AKT3: variants seen among roughly 807,000 people sequenced by gnomAD.
AKT3 encodes the protein RAC-gamma serine/threonine-protein kinase.
AKT3 carries 15 observed loss-of-function variants against 65.3 expected under a neutral mutation model. The ratio of observed to expected loss-of-function variants is 0.23; its 90% confidence interval spans 0.15 to 0.35. The LOEUF (loss-of-function observed/expected upper bound fraction) is 0.35. Ranked by LOEUF, AKT3 falls within the 10% of genes least tolerant of loss-of-function variation. The pLI, the probability that AKT3 is intolerant of heterozygous loss-of-function variation, is 1.00. For missense variants in AKT3, 243 were observed against 576.5 expected, an observed-to-expected ratio of 0.42 and a Z score of 5.92; for synonymous variants, 206 against 183.8, an observed-to-expected ratio of 1.12 and a Z score of -0.98.
rs186947851 is a variant in AKT3, at chr1:243,643,697, G to C, written c.429+2196C>G. Among the ~76,000 whole-genome samples the C allele has an allele frequency of 2.6e-4, 39 of 152,292 alleles. 1 individual carries two copies. The East Asian group carries it at 6.9e-3, about 27-fold the overall frequency. ...AGGGAGGTAACGAACCCTATTTCAT[G>C]CAAGAAATAGCAGTCTGACAACTGT... On this transcript the variant is annotated intron_variant, in intron 5 of 13. Transcript: ENST00000673466.
chr1:243,503,440 C>G lies in AKT3; in HGVS notation c.*1809G>C, dbSNP rs760118113. On this transcript the variant is annotated 3_prime_UTR_variant, in exon 14 of 14. Transcript: ENST00000673466. The stretch of plus-strand genomic sequence containing the variant: ...AATACTACGTCATGCTGTAGTCTTC[C>G]GTTTGGGAGCTGTCAGAGTTTAACT... The G allele has an allele frequency of 4.3e-6, 1 of 233,284 alleles. No individual in the cohort carries two copies. Among genetic ancestry groups the G allele is most frequent in the African/African-American group, 2.2e-5 (1 of 45,270 alleles). The allele number at this position is 233,284 out of a possible 1,614,324, so 14.5% of individuals were successfully genotyped here.
chr1:243,823,082 C>T (rs975126001), intron 2 of AKT3, among the ~76,000 whole-genome samples: 1 of 152,088 alleles, frequency 6.6e-6, no homozygotes, highest in Admixed American at 6.5e-5. Flanking sequence ...TTACTCACCA[C>T]GATCAAGTCA....
At chr1:243,741,752 A>G (rs1455444586) in intron 2 of AKT3, 2 of 152,234 alleles carry the variant, frequency 1.3e-5, no homozygotes, top group East Asian at 1.9e-4. Flanking sequence ...ATGATAAAAC[A>G]TAAAATACTT....
At position 243,637,727 on chromosome 1, in the gene AKT3, C is replaced by T; in HGVS notation, c.445G>A (p.Asp149Asn). 6.5e-7 allele frequency: 1 copy of T among 1,546,078 alleles called. No individual in the cohort carries two copies. Among genetic ancestry groups the T allele is most frequent in the African/African-American group, 1.4e-5 (1 of 73,086 alleles). Residue 149 changes from aspartate (D) to asparagine (N), a missense_variant, in exon 6 of 14, where the codon GAC (aspartate) becomes AAC (asparagine). By Grantham distance (23) the Asp-to-Asn change is conservative (BLOSUM62 1). Coordinates refer to ENST00000673466, the MANE Select transcript of AKT3 (RefSeq NM_005465.7). ...CCTTTACCTAGTAGTTTCAAATAGT[C>T]AAAATCATTCATTGTCTGAAAAATA... ...HHKRKTMNDFDYLKLLGKGTF... is the reference protein window; with the variant it reads ...HHKRKTMNDFNYLKLLGKGTF...
At chr1:243,552,360 T>C (rs1054218029) in intron 11 of AKT3, among the ~76,000 whole-genome samples, 1 of 147,920 alleles carries the variant, frequency 6.8e-6, no homozygotes, top group South Asian at 2.1e-4. Flanking sequence ...GAGGAGAGTA[T>C]TGAAAAATAG....
chr1:243,843,055 A>G lies in AKT3; in HGVS notation c.46+70T>C, dbSNP rs12044385. ...GTTTAACAGTATCAGAAAAAAGATCAACTTCTAAGACACCACTCACTGCTA... is the reference window on the plus strand; with the variant it reads ...GTTTAACAGTATCAGAAAAAAGATCGACTTCTAAGACACCACTCACTGCTA... On this transcript the variant is annotated intron_variant, in intron 2 of 13. Transcript: ENST00000673466. 27 of 1,502,000 alleles carry G rather than the reference A, an allele frequency of 1.8e-5. No individual in the cohort carries two copies. In the East Asian group the frequency reaches 6.0e-4, roughly 33 times the overall value. 93.0% of individuals were successfully genotyped at this position (1,502,000 alleles called of 1,614,324 possible).
intron 1 of AKT3, among the ~76,000 whole-genome samples, chr1:243,847,797 TATA>T (rs1399800234): frequency 6.6e-6 from 1 of 152,176 alleles, no homozygotes; most frequent in African/African-American, 2.4e-5. Flanking sequence ...ATTTGTTAAA[TATA>T]ATCTTATTTA....
chr1:243,600,458 G>A (rs918723949), intron 8 of AKT3, among the ~76,000 whole-genome samples: 41 of 152,088 alleles, frequency 2.7e-4, no homozygotes, highest in African/African-American at 9.4e-4. Context: ...ATAGGTTTCA[G>A]GATAGATATA....
chr1:243,493,309 G>A (rs1381286486), intron 13 of AKT3, among the ~76,000 whole-genome samples: 1 of 152,188 alleles, frequency 6.6e-6, no homozygotes, highest in Non-Finnish European at 1.5e-5. Flanking sequence ...GCAGGGTCAG[G>A]GGTCTGCGGC....
chr1:243,758,881 T>G (rs1182002960), intron 2 of AKT3, among the ~76,000 whole-genome samples: 1 of 152,026 alleles, frequency 6.6e-6, no homozygotes, highest in African/African-American at 2.4e-5. Flanking sequence ...AGGCTGGGGG[T>G]TGGGGACACC....
Position 243,653,008 on chromosome 1 carries a change from T to C in AKT3, c.285-6971A>G, listed in dbSNP as rs566807405. Among the ~76,000 whole-genome samples, 260 of 150,894 alleles carry C rather than the reference T, an allele frequency of 1.7e-3. 2 individuals carry two copies. The highest frequency in any genetic ancestry group is 6.9e-3 in the Middle Eastern group (2 of 290). On this transcript the variant is annotated intron_variant, in intron 4 of 13. Transcript: ENST00000673466. Reference sequence around the variant, plus strand: ...GACTTAGACTCCCACACAATAATAGTGGGAGAAAGAGACATGAAAAAACCC... The same window carrying C: ...GACTTAGACTCCCACACAATAATAGCGGGAGAAAGAGACATGAAAAAACCC...
chr1:243,669,614 A>G (rs1009312408), intron 3 of AKT3, among the ~76,000 whole-genome samples: 1 of 152,220 alleles, frequency 6.6e-6, no homozygotes, highest in African/African-American at 2.4e-5. Flanking sequence ...AATTAAAAGC[A>G]TATTTTCAAC....
intron 8 of AKT3, among the ~76,000 whole-genome samples, chr1:243,582,158 G>A (rs1675410188): frequency 6.6e-6 from 1 of 152,042 alleles, no homozygotes; most frequent in South Asian, 2.1e-4. Context: ...AGTTAACAAT[G>A]TGGAAAATAT....
At chr1:243,755,399 C>G (rs1206934124) in intron 2 of AKT3, among the ~76,000 whole-genome samples, 1 of 151,974 alleles carries the variant, frequency 6.6e-6, no homozygotes, top group Non-Finnish European at 1.5e-5. Flanking sequence ...ATACTGGCTC[C>G]TTCTTACTCC....
intron 13 of AKT3, among the ~76,000 whole-genome samples, chr1:243,494,314 ACT>A (rs1447720478): frequency 2.6e-5 from 4 of 152,232 alleles, no homozygotes; most frequent in South Asian, 2.1e-4. Context: ...ATAAAAACTG[ACT>A]CTGTTAAAGT....
rs924601311 is a variant in AKT3 at position 243,512,552 on chromosome 1, G to A, written c.1252-126C>T. On this transcript the variant is annotated intron_variant, in intron 12 of 13. Transcript: ENST00000673466. The stretch of plus-strand genomic sequence containing the variant: ...AAAGTCTACAATGCTGAGTCGCTGG[G>A]TAAGGGAGACATGATATTTGGCTTC... 3 of 615,108 alleles carry A rather than the reference G, an allele frequency of 4.9e-6. No individual in the cohort carries two copies. In the African/African-American group the frequency reaches 5.7e-5, roughly 12 times the overall value. The allele number at this position is 615,108 out of a possible 1,614,324, so 38.1% of individuals were successfully genotyped here. A position where few individuals can be genotyped will look rare whatever the true frequency, so the allele number is the denominator to read the frequency against.
chr1:243,544,084 A>C (rs1410516201), intron 12 of AKT3, among the ~76,000 whole-genome samples: 1 of 152,210 alleles, frequency 6.6e-6, no homozygotes, highest in African/African-American at 2.4e-5. Context: ...AAAATATGAA[A>C]TGTTGGAATA....
chr1:243,665,728 A>G (rs1237375715), intron 3 of AKT3, among the ~76,000 whole-genome samples: 1 of 152,240 alleles, frequency 6.6e-6, no homozygotes, highest in African/African-American at 2.4e-5. Flanking sequence ...TAATATTAGC[A>G]TAATATGAGA....
At chr1:243,523,672 A>G (rs868164058) in intron 12 of AKT3, among the ~76,000 whole-genome samples, 3 of 152,150 alleles carry the variant, frequency 2.0e-5, no homozygotes, top group Admixed American at 6.5e-5. Context: ...TTTTAATCCA[A>G]TCCTAACTGC....
Sources: gnomAD v4.1 joint callset for allele counts (sites outside exome capture counted in the v4.1 genomes callset) on GRCh38, gnomAD v4.1.1 for gene constraint, MANE v1.5 for transcripts, NCBI Gene and HGNC (gene_info 2026-07-23, HGNC 2026-07-21) for gene names.